Variants in ZMIZ1 observed in about 807,000 individuals in gnomAD.
ZMIZ1 encodes the protein zinc finger MIZ-type containing 1.
Under a neutral mutation model 113.9 loss-of-function variants are expected in ZMIZ1, and 17 were observed. That is an observed-to-expected ratio of 0.15 (90% CI 0.10 to 0.22). The LOEUF is 0.22. ZMIZ1 is among the 10% of genes least tolerant of loss of function. ZMIZ1 has a pLI of 1.00. For missense variants in ZMIZ1, 1,059 were observed against 1,477.8 expected (o/e 0.72, Z 4.65); for synonymous variants, 607 against 603.1 (o/e 1.01, Z -0.09).
chr10:79,265,033 G>A (rs1589520054), intron 7 of ZMIZ1, among the ~76,000 whole-genome samples: 1 of 152,176 alleles, frequency 6.6e-6, no homozygotes, highest in Admixed American at 6.5e-5. Context: ...TGGCCAAACC[G>A]GTTTGGGAAA....
chr10:79,125,474 A>G (rs7894967), intron 2 of ZMIZ1, among the ~76,000 whole-genome samples: 8,661 of 152,244 alleles, frequency 0.057, 465 homozygotes, highest in African/African-American at 0.14. Context: ...GTAGGAGTGT[A>G]AGGTTGTAAA....
At chr10:79,099,954 T>G (rs1274606917) in intron 1 of ZMIZ1, among the ~76,000 whole-genome samples, 2 of 152,042 alleles carry the variant, frequency 1.3e-5, no homozygotes, top group East Asian at 3.9e-4. Context: ...CGAACAAGTC[T>G]CCAGCCACTC....
intron 3 of ZMIZ1, among the ~76,000 whole-genome samples, chr10:79,159,786 C>G (rs927598627): frequency 6.6e-6 from 1 of 152,220 alleles, no homozygotes; most frequent in Admixed American, 6.5e-5. Flanking sequence ...CAAATTCTAG[C>G]ACCCCCACTT....
chr10:79,260,504 T>C (rs887545445), intron 7 of ZMIZ1, among the ~76,000 whole-genome samples: 23 of 152,294 alleles, frequency 1.5e-4, no homozygotes, highest in African/African-American at 4.8e-4. Context: ...GCAAAGTCTC[T>C]GGTAGGTGCC....
chr10:79,144,954 C>T (rs1041373821), intron 3 of ZMIZ1, among the ~76,000 whole-genome samples: 2 of 151,984 alleles, frequency 1.3e-5, no homozygotes, highest in African/African-American at 2.4e-5. Context: ...ACTTCGGCTT[C>T]TTGGTGGCTC....
chr10:79,077,339 G>C (rs1470024311), intron 1 of ZMIZ1, among the ~76,000 whole-genome samples: 2 of 152,180 alleles, frequency 1.3e-5, no homozygotes, highest in Admixed American at 6.5e-5. Flanking sequence ...ACCCTTTCCT[G>C]GTGTGTGCAA....
At chr10:79,187,305 C>T (rs1319903203) in intron 4 of ZMIZ1, among the ~76,000 whole-genome samples, 1 of 152,202 alleles carries the variant, frequency 6.6e-6, no homozygotes, top group Non-Finnish European at 1.5e-5. Context: ...GGCTCTAGCC[C>T]GGCGGACACT....
intron 5 of ZMIZ1, among the ~76,000 whole-genome samples, chr10:79,207,374 A>G (rs1428038762): frequency 1.3e-5 from 2 of 152,166 alleles, no homozygotes; most frequent in Non-Finnish European, 2.9e-5. Context: ...CCATCCCAGA[A>G]TCTCACCTTT....
Position 79,145,457 on chromosome 10 carries a change from C to T in ZMIZ1, c.-131+5680C>T, listed in dbSNP as rs187195041. 2.6e-3 allele frequency among the ~76,000 whole-genome samples: 389 copies of T among 151,692 alleles called. 1 individual carries two copies. The Middle Eastern group carries it at 0.034, about 13-fold the overall frequency. On this transcript the variant is annotated intron_variant, in intron 3 of 24. Coordinates refer to ENST00000334512, the MANE Select transcript of ZMIZ1 (RefSeq NM_020338.4). Reference sequence around the variant, plus strand: ...ACACAGAGTCTAGGGTTGGGGTCTCCGGGTTCAAATCCCACCCCACCCCTT... The same window carrying T: ...ACACAGAGTCTAGGGTTGGGGTCTCTGGGTTCAAATCCCACCCCACCCCTT...
At chr10:79,075,464 G>C (rs1842435186) in intron 1 of ZMIZ1, among the ~76,000 whole-genome samples, 1 of 152,176 alleles carries the variant, frequency 6.6e-6, no homozygotes, top group Admixed American at 6.5e-5. Flanking sequence ...GATAGGGCTT[G>C]GGGGGCTTCA....
intron 1 of ZMIZ1, among the ~76,000 whole-genome samples, chr10:79,077,194 G>T (rs116976374): frequency 6.6e-6 from 1 of 152,100 alleles, no homozygotes; most frequent in East Asian, 1.9e-4. Context: ...TGTCCACAGG[G>T]GTCCCACCCA....
At chr10:79,270,177 G>A (rs935629302) in intron 7 of ZMIZ1, among the ~76,000 whole-genome samples, 7 of 152,212 alleles carry the variant, frequency 4.6e-5, no homozygotes, top group Admixed American at 6.5e-5. Context: ...TGCCTCACCC[G>A]ACATCTGGTT....
chr10:79,293,406 G>A lies in ZMIZ1; in HGVS notation c.983G>A (p.Ser328Asn). Residue 328 changes from serine (S) to asparagine (N), a missense_variant, in exon 12 of 25, where the codon AGC becomes AAC. By Grantham distance (46) the Ser-to-Asn change is conservative. This residue lies in a region of ZMIZ1 where 83 missense variants were observed against 103.7 expected (regional missense o/e 0.80). Transcript: ENST00000334512. Reference sequence around the variant, plus strand: ...ATGGGTCCCACCCAGGCGTATAACAGCCAATTCATGAACCAGCCCGGGCCG... The same window carrying A: ...ATGGGTCCCACCCAGGCGTATAACAACCAATTCATGAACCAGCCCGGGCCG... ...GPMGPTQAYN[S>N]QFMNQPGPRG... The A allele has an allele frequency of 6.6e-7, 1 of 1,517,994 alleles. No individual in the cohort carries two copies. The highest frequency in any genetic ancestry group is 8.8e-7 in the Non-Finnish European group (1 of 1,134,050). 94.0% of individuals were successfully genotyped at this position (1,517,994 alleles called of 1,614,324 possible). A position where few individuals can be genotyped will look rare whatever the true frequency, so the allele number is the denominator to read the frequency against.
In ZMIZ1 at chr10:79,292,219, G is replaced by A; in HGVS notation, c.820G>A (p.Ala274Thr). ...MGIPPHTRPP[A>T]DFTQPAAAAA... is the part of the protein sequence containing the mutation. ...CATCCCTCCGCACACCAGGCCGCCTGCTGACTTCACTCAGCCCGCGGCAGC... is the reference window on the plus strand; with the variant it reads ...CATCCCTCCGCACACCAGGCCGCCTACTGACTTCACTCAGCCCGCGGCAGC... The change falls in exon 11 of 25, where the codon GCT becomes ACT. Residue 274 changes from alanine to threonine, a missense_variant. Physicochemically the swap from Ala to Thr is moderately conservative, Grantham distance 58. This residue lies in a region of ZMIZ1 where 23 missense variants were observed against 73.3 expected (regional missense o/e 0.31). Coordinates refer to ENST00000334512, the MANE Select transcript of ZMIZ1 (RefSeq NM_020338.4). The A allele has an allele frequency of 3.1e-6, 5 of 1,612,478 alleles. No individual in the cohort carries two copies. The highest frequency in any genetic ancestry group is 4.2e-6 in the Non-Finnish European group (5 of 1,179,674).
At chr10:79,278,491 G>C (rs999121857) in intron 8 of ZMIZ1, among the ~76,000 whole-genome samples, 1 of 151,314 alleles carries the variant, frequency 6.6e-6, no homozygotes, top group African/African-American at 2.4e-5. Context: ...CGGAGAGGGG[G>C]ATTTGGCAGG....
intron 2 of ZMIZ1, among the ~76,000 whole-genome samples, chr10:79,137,622 C>T (rs1052217457): frequency 2.0e-5 from 3 of 152,234 alleles, no homozygotes; most frequent in African/African-American, 4.8e-5. Context: ...GCTTCAGGTT[C>T]CTGCCGGGTG....
At chr10:79,280,603 G>T (rs906825632) in intron 8 of ZMIZ1, among the ~76,000 whole-genome samples, 6 of 151,388 alleles carry the variant, frequency 4.0e-5, no homozygotes, top group African/African-American at 1.5e-4. Context: ...CTTGGTGCAG[G>T]ACTTTGCAGG....
intron 7 of ZMIZ1, among the ~76,000 whole-genome samples, chr10:79,254,523 G>A (rs944445500): frequency 2.0e-5 from 3 of 152,242 alleles, no homozygotes; most frequent in South Asian, 2.1e-4. Context: ...ATCCACCCAC[G>A]ATGGGGCCTG....
chr10:79,174,561 G>A (rs1384549992), intron 4 of ZMIZ1, among the ~76,000 whole-genome samples: 1 of 152,238 alleles, frequency 6.6e-6, no homozygotes, highest in African/African-American at 2.4e-5. Context: ...ACTGTCAGGA[G>A]AGTGGCTCTG....
Sources: gnomAD v4.1 joint callset for allele counts (sites outside exome capture counted in the v4.1 genomes callset) on GRCh38, gnomAD v4.1.1 for gene constraint, gnomAD v4.1.1 regional missense constraint, MANE v1.5 for transcripts, NCBI Gene and HGNC (gene_info 2026-07-23, HGNC 2026-07-21) for gene names.